The following THAP9 variants were observed in gnomAD, a reference collection of about 807,000 sequenced individuals.
The protein encoded by THAP9 is DNA transposase THAP9.
In THAP9, 20 loss-of-function variants were observed where a neutral mutation model predicts 35.7. The observed-to-expected ratio is 0.56, with a 90% CI of 0.39 to 0.81. THAP9 has a LOEUF of 0.81. Ranked by LOEUF, THAP9 falls within the 40% of genes least tolerant of loss-of-function variation. THAP9 has a pLI of 0.00. For synonymous variants in THAP9, 335 were observed against 373.7 expected (o/e 0.90, Z 1.19); for missense variants, 870 against 1,047.4 (o/e 0.83, Z 2.34).
In THAP9 at chr4:82,917,111, A is replaced by G. The variant is rs767923664; in HGVS notation, c.899A>G (p.Gln300Arg). The change falls in exon 5 of 5, where the codon CAG (glutamine) becomes CGG (arginine). Residue 300 changes from glutamine (Q) to arginine (R), a missense_variant. Transcript: ENST00000302236. ...LQWDPSSHSL[Q>R]GFMDFGLGKL... ...TGGGATCCTAGCAGTCACAGTTTGCAGGGGTTTATGGACTTTGGTCTTGGA... is the reference window on the plus strand; with the variant it reads ...TGGGATCCTAGCAGTCACAGTTTGCGGGGGTTTATGGACTTTGGTCTTGGA... 1.2e-6 allele frequency: 2 copies of G among 1,613,214 alleles called. No homozygotes were observed. Among genetic ancestry groups the G allele is most frequent in the East Asian group, 4.5e-5 (2 of 44,886 alleles).
At chr4:82,902,105 C>CTT (rs768693634) in intron 1 of THAP9, among the ~76,000 whole-genome samples, 27,257 of 104,486 alleles carry the variant, frequency 0.26, 5,658 homozygotes, top group African/African-American at 0.42. Context: ...CATTTTCCTT[C>CTT]TTTTTTTTTT....
chr4:82,918,437 C>A lies in THAP9; in HGVS notation c.2225C>A (p.Ser742Ter). The change falls in exon 5 of 5, where the codon TCG becomes TAG. Residue 742 changes from serine to a stop codon, truncating the protein, a stop_gained. Transcript: ENST00000302236. LOFTEE classifies it high-confidence loss of function. Reference sequence around the variant, plus strand: ...GACTGCATCACTGCACTGTATGCATCGGATCTCAAAGCCTCTAAAATTGGG... The same window carrying A: ...GACTGCATCACTGCACTGTATGCATAGGATCTCAAAGCCTCTAAAATTGGG... ...CEDCITALYASDLKASKIGSL... is the reference protein window; with the variant it reads ...CEDCITALYA The A allele has an allele frequency of 6.2e-7, 1 of 1,614,102 alleles. No individual in the cohort carries two copies. The highest frequency in any genetic ancestry group is 8.5e-7 in the Non-Finnish European group (1 of 1,179,992).
rs1178057348 is a variant in THAP9, at chr4:82,919,488, G to A, written c.*564G>A. ...AAATAGAAGTGCTTAAACTTTGTCA[G>A]GCAGAAGGTAAAGTACATGAGCCAT... On this transcript the variant is annotated 3_prime_UTR_variant, in exon 5 of 5. Transcript: ENST00000302236. The A allele has an allele frequency of 6.6e-6, 1 of 152,410 alleles. No homozygotes were observed. Among genetic ancestry groups the A allele is most frequent in the Non-Finnish European group, 1.5e-5 (1 of 68,242 alleles). 9.4% of individuals were successfully genotyped at this position (152,410 alleles called of 1,614,324 possible). A position where few individuals can be genotyped will look rare whatever the true frequency, so the allele number is the denominator to read the frequency against.
At chr4:82,907,430 T>C (rs1334547696) in intron 3 of THAP9, among the ~76,000 whole-genome samples, 1 of 152,118 alleles carries the variant, frequency 6.6e-6, no homozygotes, top group African/African-American at 2.4e-5. Context: ...ATGTTTTTCA[T>C]ATCTAATTTT....
chr4:82,918,311 C>G lies in THAP9; in HGVS notation c.2099C>G (p.Ser700Ter). 1 of 1,614,154 alleles carries G rather than the reference C, an allele frequency of 6.2e-7. No homozygotes were observed. The highest frequency in any genetic ancestry group is 8.5e-7 in the Non-Finnish European group (1 of 1,180,006). The part of the protein sequence containing the change: ...EGICQDWSHC[S>*]LSEALLDLSD... ...ATTTGTCAAGACTGGTCTCATTGTTCACTAAGTGAGGCATTACTAGACCTG... is the reference window on the plus strand; with the variant it reads ...ATTTGTCAAGACTGGTCTCATTGTTGACTAAGTGAGGCATTACTAGACCTG... Residue 700 changes from serine (S) to a stop codon, truncating the protein, a stop_gained, in exon 5 of 5, where the codon TCA becomes TGA. Transcript: ENST00000302236. LOFTEE classifies it low-confidence loss of function (END_TRUNC).
intron 4 of THAP9, among the ~76,000 whole-genome samples, chr4:82,912,577 G>C (rs189046179): frequency 3.0e-4 from 45 of 152,268 alleles, no homozygotes; most frequent in Admixed American, 2.8e-3. Flanking sequence ...AATGAAAATT[G>C]CTTTGAACTT....
chr4:82,913,805 T>A (rs1720949035), intron 4 of THAP9, among the ~76,000 whole-genome samples: 1 of 151,956 alleles, frequency 6.6e-6, no homozygotes, highest in African/African-American at 2.4e-5. Flanking sequence ...GGTGTAATCT[T>A]GGCTCACTGC....
chr4:82,909,488 AT>A lies in THAP9; in HGVS notation c.731+1556del. On this transcript the variant is annotated intron_variant, in intron 4 of 4. Coordinates refer to ENST00000302236, the MANE Select transcript of THAP9 (RefSeq NM_024672.6). ...CATAGTTATGATCTTTTGTAAATAA[AT>A]TTCCAACCAGCCTTTTATTACTTTA... 1.3e-5 allele frequency among the ~76,000 whole-genome samples: 2 copies of A among 152,090 alleles called. 1 individual carries two copies. Among genetic ancestry groups the A allele is most frequent in the Non-Finnish European group, 2.9e-5 (2 of 67,974 alleles).
chr4:82,903,501 C>G (rs567987394), intron 1 of THAP9: 1 of 152,162 alleles, frequency 6.6e-6, no homozygotes, highest in Non-Finnish European at 1.5e-5. Context: ...GGATTACAGG[C>G]GTGAGCCACC....
intron 2 of THAP9, chr4:82,905,976 G>C: frequency 1.1e-5 from 5 of 456,414 alleles, no homozygotes; most frequent in South Asian, 7.8e-5. Flanking sequence ...CTTCTTTTTT[G>C]CACAAATAAC....
At chr4:82,913,861 C>T (rs546465419) in intron 4 of THAP9, among the ~76,000 whole-genome samples, 6 of 152,000 alleles carry the variant, frequency 3.9e-5, no homozygotes, top group South Asian at 4.2e-4. Flanking sequence ...CTCAGCCTCC[C>T]GAGTAGCTGG....
At position 82,904,932 on chromosome 4, in the gene THAP9, G is replaced by C; in HGVS notation, c.276+1G>C. ...TGTGCCTTCTGTTTCTCTATACAAG[G>C]TATTTAAATGTAGGTGTAAGTCAAC... On this transcript the variant is annotated splice_donor_variant, in intron 2 of 4. Transcript: ENST00000302236. LOFTEE classifies it high-confidence loss of function. 6.2e-7 allele frequency: 1 copy of C among 1,612,974 alleles called. No individual in the cohort carries two copies. The highest frequency in any genetic ancestry group is 8.5e-7 in the Non-Finnish European group (1 of 1,179,526).
At chr4:82,907,361 T>G (rs1720686939) in intron 3 of THAP9, among the ~76,000 whole-genome samples, 1 of 152,136 alleles carries the variant, frequency 6.6e-6, no homozygotes. Context: ...ATTTTTTTTT[T>G]TTCTCTTGAT....
chr4:82,915,442 A>C (rs1721005894), intron 4 of THAP9, among the ~76,000 whole-genome samples: 1 of 151,964 alleles, frequency 6.6e-6, no homozygotes, highest in African/African-American at 2.4e-5. Flanking sequence ...TTTTTAGTAG[A>C]GATGAGGTTT....
chr4:82,910,800 C>T, intron 4 of THAP9: 2 of 437,016 alleles, frequency 4.6e-6, no homozygotes, highest in South Asian at 1.6e-5. Context: ...TCAAATGCTG[C>T]TGGGAGATCA....
In THAP9 at chr4:82,906,463, T is replaced by C. The variant is rs749711271; in HGVS notation, c.416T>C (p.Leu139Pro). The stretch of plus-strand genomic sequence containing the variant: ...CCTTTGACGATAGGTGCAGAGAAAC[T>C]GGCTGAGGTGCAACAAATGTTACAA... The part of the protein sequence containing the change: ...KTPLTIGAEK[L>P]AEVQQMLQVS... The change falls in exon 3 of 5, where the codon CTG (leucine) becomes CCG (proline). Residue 139 changes from leucine (L) to proline (P), a missense_variant. Physicochemically the swap from Leu to Pro is moderately conservative, Grantham distance 98 (BLOSUM62 -3). Transcript: ENST00000302236. 9 of 1,613,726 alleles carry C rather than the reference T, an allele frequency of 5.6e-6. No homozygotes were observed. The African/African-American group carries it at 1.2e-4, about 22-fold the overall frequency.
intron 4 of THAP9, among the ~76,000 whole-genome samples, 173 bp downstream of exon 4, chr4:82,908,108 GA>G (rs530708873): frequency 7.8e-4 from 119 of 152,124 alleles, no homozygotes; most frequent in South Asian, 5.0e-3. Flanking sequence ...ATGGACTAAT[GA>G]AAAAATGGAC....
At chr4:82,913,061 GAA>G (rs2126015465) in intron 4 of THAP9, among the ~76,000 whole-genome samples, 1 of 152,062 alleles carries the variant, frequency 6.6e-6, no homozygotes, top group African/African-American at 2.4e-5. Flanking sequence ...TTTTTAAAAA[GAA>G]TGTGTCTTTT....
chr4:82,917,624 A>G lies in THAP9; in HGVS notation c.1412A>G (p.His471Arg). The part of the protein sequence containing the change: ...IPSTLANLKN[H>R]VLKVNSATQL... ...AGTACACTTGCAAATTTGAAAAATC[A>G]TGTACTGAAAGTGAATAGTGCCACC... The change falls in exon 5 of 5, where the codon CAT becomes CGT. Residue 471 changes from histidine (H) to arginine (R), a missense_variant. By Grantham distance (29) the His-to-Arg change is conservative. Coordinates refer to ENST00000302236, the MANE Select transcript of THAP9 (RefSeq NM_024672.6). The G allele has an allele frequency of 6.2e-7, 1 of 1,614,070 alleles. No homozygotes were observed. Among genetic ancestry groups the G allele is most frequent in the East Asian group, 2.2e-5 (1 of 44,878 alleles).
Sources: allele counts gnomAD v4.1 joint callset (sites outside exome capture counted in the v4.1 genomes callset), GRCh38; gene constraint gnomAD v4.1.1; transcripts MANE v1.5; gene names NCBI Gene and HGNC (gene_info 2026-07-23, HGNC 2026-07-21).